KDM2B: variants seen among roughly 807,000 people sequenced by gnomAD.
KDM2B encodes the protein lysine-specific demethylase 2B.
KDM2B carries 26 observed loss-of-function variants against 150.0 expected under a neutral mutation model. The ratio of observed to expected loss-of-function variants is 0.17; its 90% CI spans 0.13 to 0.24. The LOEUF (loss-of-function observed/expected upper bound fraction) is 0.24. Among genes scored for constraint, KDM2B ranks in the 10% least tolerant of loss-of-function variants. The pLI is 1.00. For synonymous variants in KDM2B, 734 were observed against 729.5 expected (o/e 1.01, Z -0.10); for missense variants, 1,265 against 1,816.9 (o/e 0.70, Z 5.52).
At chr12:121,478,093 G>A (rs1881592706) in intron 12 of KDM2B, among the ~76,000 whole-genome samples, 1 of 151,524 alleles carries the variant, frequency 6.6e-6, no homozygotes, top group Non-Finnish European at 1.5e-5. Context: ...ATGTTGCCCA[G>A]GATGGTCAAC....
intron 12 of KDM2B, chr12:121,470,111 AG>A (rs1230053382): frequency 1.3e-5 from 1 of 74,932 alleles, no homozygotes; most frequent in African/African-American, 3.2e-5. Context: ...AAAAAAAAAA[AG>A]GAGAGAGAGA....
intron 6 of KDM2B, among the ~76,000 whole-genome samples, chr12:121,540,810 T>C (rs112734037): frequency 0.017 from 2,484 of 143,580 alleles, 76 homozygotes; most frequent in African/African-American, 0.061. Context: ...TGCAGCCACA[T>C]GGACAAATAT....
chr12:121,559,217 C>T (rs1230917977), intron 4 of KDM2B, among the ~76,000 whole-genome samples: 1 of 152,148 alleles, frequency 6.6e-6, no homozygotes, highest in Admixed American at 6.6e-5. Flanking sequence ...GAGGCCTGGG[C>T]AGGCCAAGTG....
At chr12:121,501,937 T>C (rs1448198550) in intron 11 of KDM2B, among the ~76,000 whole-genome samples, 1 of 152,068 alleles carries the variant, frequency 6.6e-6, no homozygotes, top group African/African-American at 2.4e-5. Context: ...GTGATGATTT[T>C]AAAAAGCCAA....
At chr12:121,426,749 C>T (rs1555284300), downstream of KDM2B, among the ~76,000 whole-genome samples, 1 of 150,940 alleles carries the variant, frequency 6.6e-6, no homozygotes, top group African/African-American at 2.4e-5. Context: ...CCTTTTCCTC[C>T]TGAGTAGCTG....
intron 4 of KDM2B, among the ~76,000 whole-genome samples, chr12:121,550,001 C>G (rs575280704): frequency 6.6e-6 from 1 of 152,142 alleles, no homozygotes; most frequent in African/African-American, 2.4e-5. Flanking sequence ...CATGGTGAAA[C>G]CCTGTATCTA....
chr12:121,557,418 T>C (rs1237867530), intron 4 of KDM2B, among the ~76,000 whole-genome samples: 1 of 151,946 alleles, frequency 6.6e-6, no homozygotes, highest in African/African-American at 2.4e-5. Flanking sequence ...TTTTGTATTT[T>C]TAGTAGAGAC....
rs571660202 is a variant in KDM2B, at chr12:121,455,831, G to A, written c.1735-2487C>T. 1.1e-4 allele frequency among the ~76,000 whole-genome samples: 16 copies of A among 152,292 alleles called. No homozygotes were observed. The East Asian group carries it at 1.7e-3, about 17-fold the overall frequency. ...CACCACACACTACACACATCCATCC[G>A]AGTCACGTCTGGCTGCCCACGTGAG... On this transcript the variant is annotated intron_variant, in intron 12 of 22. Transcript: ENST00000377071.
chr12:121,523,692 GCTGGC>G (rs1886884639), intron 8 of KDM2B, among the ~76,000 whole-genome samples: 1 of 152,246 alleles, frequency 6.6e-6, no homozygotes, highest in Non-Finnish European at 1.5e-5. Context: ...ATGGAACAGA[GCTGGC>G]CATCCTCAGG....
intron 4 of KDM2B, among the ~76,000 whole-genome samples, chr12:121,558,558 A>T (rs1322026378): frequency 6.7e-6 from 1 of 148,716 alleles, no homozygotes; most frequent in Non-Finnish European, 1.5e-5. Context: ...GGTTCAAGCG[A>T]TTTTCCTGCC....
downstream of KDM2B, among the ~76,000 whole-genome samples, chr12:121,426,218 G>A (rs1593686113): frequency 6.6e-6 from 1 of 152,198 alleles, no homozygotes; most frequent in South Asian, 2.1e-4. Context: ...TTAGATTTGT[G>A]TATTAAGTTT....
rs78379704 is a variant in KDM2B at position 121,477,216 on chromosome 12, C to G, written c.1734+17363G>C. Among the ~76,000 whole-genome samples, 76 of 152,124 alleles carry G rather than the reference C, an allele frequency of 5.0e-4. 1 individual carries two copies. In the East Asian group the frequency reaches 0.011, roughly 22 times the overall value. On this transcript the variant is annotated intron_variant, in intron 12 of 22. Transcript: ENST00000377071. The stretch of plus-strand genomic sequence containing the variant: ...ATCCAACTAGCTGGGACTACAGGCA[C>G]AAAGCCACCACACCAGGCTAATTTT...
At chr12:121,528,424 T>C (rs1555307212) in intron 8 of KDM2B, among the ~76,000 whole-genome samples, 2 of 151,972 alleles carry the variant, frequency 1.3e-5, no homozygotes, top group African/African-American at 4.8e-5. Flanking sequence ...CCGGGCCCGG[T>C]AGCGTACGCT....
In KDM2B at chr12:121,580,822, T is replaced by TATA. The variant is rs1555317895; in HGVS notation, c.87_89dup (p.Ile30dup). Reference sequence around the variant, plus strand: ...ACTCAAATTCAAAGCATTTTGTATATATAACTGTTTTCTTTTTTTGCTTTT... The same window carrying TATA: ...ACTCAAATTCAAAGCATTTTGTATATATAATAACTGTTTTCTTTTTTTGCTTTT... On this transcript the variant is annotated inframe_insertion, in exon 1 of 23. Coordinates refer to ENST00000377071, the MANE Select transcript of KDM2B (RefSeq NM_032590.5). The TATA allele has an allele frequency of 6.2e-7, 1 of 1,614,122 alleles. No individual in the cohort carries two copies. Among genetic ancestry groups the TATA allele is most frequent in the Admixed American group, 1.7e-5 (1 of 60,012 alleles).
chr12:121,478,866 T>TTGTTTGTGTGTGTGTGTGTGTGTG (rs61509046), intron 12 of KDM2B, among the ~76,000 whole-genome samples: 198 of 131,200 alleles, frequency 1.5e-3, no homozygotes, highest in Non-Finnish European at 2.3e-3. Flanking sequence ...TTTTGTTTGT[T>TTGTTTGTGTGTGTGTGTGTGTGTG]TGTGTGTGTG....
At chr12:121,550,352 A>C (rs1456982601) in intron 4 of KDM2B, among the ~76,000 whole-genome samples, 2 of 152,062 alleles carry the variant, frequency 1.3e-5, no homozygotes, top group Non-Finnish European at 2.9e-5. Context: ...TAAACATATA[A>C]ACAAGAAAAT....
chr12:121,453,396 A>T lies in KDM2B; in HGVS notation c.1735-52T>A. 1 of 1,432,470 alleles carries T rather than the reference A, an allele frequency of 7.0e-7. No individual in the cohort carries two copies. The highest frequency in any genetic ancestry group is 9.4e-7 in the Non-Finnish European group (1 of 1,058,280). 88.7% of individuals were successfully genotyped at this position (1,432,470 alleles called of 1,614,324 possible). ...AGATGGGGAGACTGCAGGCACGGCC[A>T]GACCCCCGGAAAGGGTGTTAGGGAG... is the stretch of plus-strand genomic sequence containing the variant. On this transcript the variant is annotated intron_variant, in intron 12 of 22. Transcript: ENST00000377071. This position sits in a 1 kb window ranked among gnomAD's most constrained non-coding sequence, Gnocchi z 6.4.
At chr12:121,466,267 T>G (rs1317517743) in intron 12 of KDM2B, among the ~76,000 whole-genome samples, 8 of 152,228 alleles carry the variant, frequency 5.3e-5, no homozygotes, top group African/African-American at 1.9e-4. Context: ...ATCCCATTCT[T>G]AATTCCTCGG....
Position 121,537,981 on chromosome 12 carries a change from G to T in KDM2B, c.684-3391C>A, listed in dbSNP as rs1466106795. 1.3e-5 allele frequency among the ~76,000 whole-genome samples: 2 copies of T among 150,368 alleles called. No homozygotes were observed. Among genetic ancestry groups the T allele is most frequent in the Admixed American group, 1.3e-4 (2 of 15,118 alleles). ...CCGGGCGTCCCCTTCGGCTGCGGAGGCTCGACGCGCGCCCGGCCCCACTCC... is the reference window on the plus strand; with the variant it reads ...CCGGGCGTCCCCTTCGGCTGCGGAGTCTCGACGCGCGCCCGGCCCCACTCC... On this transcript the variant is annotated intron_variant, in intron 6 of 22. Transcript: ENST00000377071. The surrounding 1 kb of genome is among the most constrained non-coding windows in gnomAD (Gnocchi z 8.7).
Sources: gnomAD v4.1 joint callset for allele counts (sites outside exome capture counted in the v4.1 genomes callset) on GRCh38, gnomAD v4.1.1 for gene constraint, Gnocchi (gnomAD v3.1) non-coding constraint, MANE v1.5 for transcripts, NCBI Gene and HGNC (gene_info 2026-07-23, HGNC 2026-07-21) for gene names.